MCF2L2: variants seen among roughly 807,000 people sequenced by gnomAD.
MCF2L2 encodes the protein probable guanine nucleotide exchange factor MCF2L2.
Under a neutral mutation model 150.2 loss-of-function variants are expected in MCF2L2, and 102 were observed. The observed-to-expected ratio is 0.68, with a 90% confidence interval of 0.58 to 0.80. MCF2L2 has a LOEUF of 0.80. Ranked by LOEUF, MCF2L2 falls within the 30% of genes least tolerant of loss-of-function variation. The probability of loss-of-function intolerance (pLI) is 0.00; values close to 1 mark genes in which losing one functional copy is unlikely to be tolerated. For synonymous variants in MCF2L2, 465 were observed against 491.3 expected (o/e 0.95, Z 0.71); for missense variants, 1,256 against 1,372.8 (o/e 0.91, Z 1.34).
chr3:183,193,357 C>CTTTT (rs765523814), intron 26 of MCF2L2, among the ~76,000 whole-genome samples: 5 of 139,454 alleles, frequency 3.6e-5, no homozygotes, highest in Middle Eastern at 3.4e-3. Flanking sequence ...CTTTTTCTTT[C>CTTTT]TTTTTTTTTT....
At chr3:183,208,487 CCT>C (rs1278687503) in intron 22 of MCF2L2, among the ~76,000 whole-genome samples, 13 of 152,146 alleles carry the variant, frequency 8.5e-5, no homozygotes, top group African/African-American at 2.9e-4. Flanking sequence ...CTGTGATGCC[CCT>C]GTCTCCACCA....
At chr3:183,311,287 G>A (rs768336634) in intron 8 of MCF2L2, among the ~76,000 whole-genome samples, 12 of 152,050 alleles carry the variant, frequency 7.9e-5, no homozygotes, top group Non-Finnish European at 1.3e-4. Flanking sequence ...AATGTGCTCC[G>A]GCTGATCTTA....
At chr3:183,330,270 G>C (rs915078337) in intron 5 of MCF2L2, among the ~76,000 whole-genome samples, 1 of 131,696 alleles carries the variant, frequency 7.6e-6, no homozygotes, top group Non-Finnish European at 1.6e-5. Context: ...AAAAGAAGAA[G>C]AAAAAAAGGA....
chr3:183,253,628 C>A (rs947906405), intron 15 of MCF2L2: 3 of 152,334 alleles, frequency 2.0e-5, no homozygotes, highest in Non-Finnish European at 4.4e-5. Flanking sequence ...GACCAGAAAC[C>A]TTTTAACAAG....
Position 183,270,924 on chromosome 3 carries a change from G to C in MCF2L2, c.1862+5948C>G. 1 of 1,574,982 alleles carries C rather than the reference G, an allele frequency of 6.3e-7. No individual in the cohort carries two copies. On this transcript the variant is annotated intron_variant, in intron 15 of 29. Transcript: ENST00000328913. The surrounding 1 kb of genome is among the most constrained non-coding windows in gnomAD (Gnocchi z 4.5). ...TGTGGACACATACCCTTGTAGGGCT[G>C]CGTTTATCTAATAGTACTTGAATGT...
chr3:183,334,801 A>C (rs1245589061), intron 5 of MCF2L2, among the ~76,000 whole-genome samples: 1 of 149,444 alleles, frequency 6.7e-6, no homozygotes, highest in Non-Finnish European at 1.5e-5. Context: ...TTCAAAAAAA[A>C]AAAAAAAAAA....
At chr3:183,252,850 G>A (rs1022310904) in intron 15 of MCF2L2, among the ~76,000 whole-genome samples, 2 of 152,204 alleles carry the variant, frequency 1.3e-5, no homozygotes, top group South Asian at 4.1e-4. Flanking sequence ...TGGCTTTAGG[G>A]AGAGGTCTAA....
intron 19 of MCF2L2, 80 bp downstream of exon 19, chr3:183,224,018 C>T (rs1005967369): frequency 7.8e-6 from 8 of 1,026,008 alleles, no homozygotes; most frequent in Middle Eastern, 2.1e-4. Context: ...AGTTCCTCTC[C>T]CTAGTCCCAC....
intron 27 of MCF2L2, chr3:183,182,504 G>C (rs985617433): frequency 2.0e-5 from 3 of 152,242 alleles, no homozygotes; most frequent in African/African-American, 7.2e-5. Context: ...TTTACCCTTA[G>C]AGTGTGTGAA....
intron 1 of MCF2L2, among the ~76,000 whole-genome samples, chr3:183,420,596 C>T (rs1394042818): frequency 6.6e-6 from 1 of 151,874 alleles, no homozygotes; most frequent in Non-Finnish European, 1.5e-5. Context: ...AAGACTCCAT[C>T]TCAAAAAAAG....
intron 3 of MCF2L2, among the ~76,000 whole-genome samples, chr3:183,352,565 T>C (rs6443875): frequency 0.12 from 18,778 of 152,140 alleles, 1,995 homozygotes; most frequent in African/African-American, 0.28. Flanking sequence ...TAATGTTTTC[T>C]GTGGTATAAT....
chr3:183,223,991 C>G, intron 19 of MCF2L2, 107 bp downstream of exon 19: 1 of 823,122 alleles, frequency 1.2e-6, no homozygotes, highest in Non-Finnish European at 2.1e-6. Flanking sequence ...TTTAAATAAA[C>G]ATAAATCGCA....
At chr3:183,186,112 G>C (rs28408181) in intron 27 of MCF2L2, among the ~76,000 whole-genome samples, 11,653 of 152,202 alleles carry the variant, frequency 0.077, 1,211 homozygotes, top group African/African-American at 0.24. Context: ...CCAAAGATGA[G>C]TGGCAGGAGG....
At chr3:183,203,611 G>T (rs996736552) in intron 25 of MCF2L2, among the ~76,000 whole-genome samples, 1 of 152,182 alleles carries the variant, frequency 6.6e-6, no homozygotes, top group South Asian at 2.1e-4. Flanking sequence ...CTTCAAGCAC[G>T]CTAATGACGC....
At chr3:183,206,856 A>C (rs1722490231) in intron 23 of MCF2L2, among the ~76,000 whole-genome samples, 1 of 151,924 alleles carries the variant, frequency 6.6e-6, no homozygotes, top group Non-Finnish European at 1.5e-5. Flanking sequence ...CAACAAGAGC[A>C]AAACTCTGTC....
At chr3:183,384,161 T>C (rs1449125061) in intron 2 of MCF2L2, among the ~76,000 whole-genome samples, 3 of 152,224 alleles carry the variant, frequency 2.0e-5, no homozygotes, top group Admixed American at 6.5e-5. Flanking sequence ...CTTTTCAAAA[T>C]CATGACTGAG....
intron 3 of MCF2L2, among the ~76,000 whole-genome samples, chr3:183,355,188 A>G (rs540566202): frequency 3.9e-5 from 6 of 151,996 alleles, no homozygotes; most frequent in Non-Finnish European, 7.4e-5. Context: ...ATTTACATGA[A>G]ATGTTTGAAA....
At chr3:183,303,930 A>G (rs1246332005) in intron 10 of MCF2L2, among the ~76,000 whole-genome samples, 1 of 151,870 alleles carries the variant, frequency 6.6e-6, no homozygotes, top group African/African-American at 2.4e-5. Context: ...GTCCTCTTCC[A>G]CTTCCTCAAC....
chr3:183,402,306 C>T (rs1035396958), intron 1 of MCF2L2, among the ~76,000 whole-genome samples: 2 of 151,350 alleles, frequency 1.3e-5, no homozygotes, highest in African/African-American at 4.9e-5. Flanking sequence ...ATTAGCCGGG[C>T]GTGGTGGGTT....
Sources: gnomAD v4.1 joint callset for allele counts (sites outside exome capture counted in the v4.1 genomes callset) on GRCh38, gnomAD v4.1.1 for gene constraint, Gnocchi (gnomAD v3.1) non-coding constraint, MANE v1.5 for transcripts, NCBI Gene and HGNC (gene_info 2026-07-23, HGNC 2026-07-21) for gene names.